The following SHOX variants were observed in gnomAD, a reference collection of about 807,000 sequenced individuals.
The protein encoded by SHOX is short stature homeobox protein.
In SHOX, 12 loss-of-function variants were observed where a neutral mutation model predicts 29.6. That is an observed-to-expected ratio of 0.41 (90% CI 0.26 to 0.66). SHOX has a LOEUF of 0.66. SHOX is among the 30% of genes least tolerant of loss of function. The probability of loss-of-function intolerance (pLI) is 0.35; values close to 1 mark genes in which losing one functional copy is unlikely to be tolerated. For missense variants in SHOX, 499 were observed against 437.7 expected, an observed-to-expected ratio of 1.14 and a Z score of -1.25; for synonymous variants, 214 against 200.6, an observed-to-expected ratio of 1.07 and a Z score of -0.57.
chrX:658,769 C>CA (rs2053184161), intron 5 of SHOX: 1 of 322,842 alleles, frequency 3.1e-6, no homozygotes, highest in African/African-American at 2.4e-5. Flanking sequence ...TGCACTTGGC[C>CA]TTTTTTTTTT....
In SHOX at chrX:630,998, C is replaced by A. The variant is rs751747648; in HGVS notation, c.101C>A (p.Thr34Lys). 1.9e-6 allele frequency: 3 copies of A among 1,613,768 alleles called. No homozygotes were observed. The African/African-American group carries it at 4.0e-5, about 22-fold the overall frequency. ...GGGGGKKDSI[T>K]YREVLESGLA... ...GGCGGAGGTAAGAAGGATTCCATTACGTACCGGGAAGTTTTGGAGAGCGGA... is the reference window on the plus strand; with the variant it reads ...GGCGGAGGTAAGAAGGATTCCATTAAGTACCGGGAAGTTTTGGAGAGCGGA... The change falls in exon 1 of 5, where the codon ACG (threonine) becomes AAG (lysine). Residue 34 changes from threonine (T) to lysine (K), a missense_variant. Transcript: ENST00000686671.
downstream of SHOX, among the ~76,000 whole-genome samples, chrX:654,203 G>A (rs931027187): frequency 3.9e-5 from 6 of 151,916 alleles, no homozygotes; most frequent in South Asian, 2.1e-4. Context: ...TTTTGGAGGC[G>A]AAACAGCCAG....
chrX:657,768 G>C (rs17148902), intron 5 of SHOX, among the ~76,000 whole-genome samples: 98,727 of 151,864 alleles, frequency 0.65, 33,422 homozygotes, highest in Non-Finnish European at 0.76. Context: ...TGCACACACA[G>C]AGTAGAGAAA....
chrX:632,237 CG>C (rs1397278763), intron 1 of SHOX, among the ~76,000 whole-genome samples: 1 of 151,944 alleles, frequency 6.6e-6, no homozygotes, highest in Non-Finnish European at 1.5e-5. Context: ...GTGCGCGGCC[CG>C]GGGGAGCTCC....
chrX:633,535 G>A (rs1352165262), intron 1 of SHOX, among the ~76,000 whole-genome samples: 1 of 151,752 alleles, frequency 6.6e-6, no homozygotes, highest in African/African-American at 2.4e-5. Context: ...ACAGAACAGG[G>A]TGCTAGTATT....
intron 4 of SHOX, among the ~76,000 whole-genome samples, chrX:642,135 G>T (rs1048000695): frequency 2.6e-5 from 4 of 152,212 alleles, no homozygotes; most frequent in Non-Finnish European, 5.9e-5. Context: ...GGGATGGGGG[G>T]AAGCGGGGAG....
chrX:633,145 C>T (rs2052679155), intron 1 of SHOX, among the ~76,000 whole-genome samples: 2 of 152,090 alleles, frequency 1.3e-5, no homozygotes, highest in Non-Finnish European at 2.9e-5. Context: ...TTCATCAGAT[C>T]CAAGTTAAAT....
intron 2 of SHOX, among the ~76,000 whole-genome samples, chrX:638,531 C>T (rs1345143024): frequency 1.3e-5 from 2 of 152,120 alleles, no homozygotes; most frequent in Admixed American, 1.3e-4. Context: ...GCCTTTTTGG[C>T]GGGGGTGTGA....
chrX:653,135 G>A (rs1380236708), downstream of SHOX, among the ~76,000 whole-genome samples: 1 of 152,150 alleles, frequency 6.6e-6, no homozygotes, highest in Non-Finnish European at 1.5e-5. Flanking sequence ...CAGCTACTCA[G>A]GAAGCTGAGG....
At position 631,176 on chromosome X, in the gene SHOX, T is replaced by C; in HGVS notation, c.277+2T>C. The stretch of plus-strand genomic sequence containing the variant: ...TCGGCACCGCGAGAGTGGCAGAAGG[T>C]AAGTTCCTTTGCGCTCCGGCTCCAG... On this transcript the variant is annotated splice_donor_variant, in intron 1 of 4. Transcript: ENST00000686671. LOFTEE classifies it high-confidence loss of function. The C allele has an allele frequency of 6.2e-7, 1 of 1,612,396 alleles. No individual in the cohort carries two copies. Among genetic ancestry groups the C allele is most frequent in the Non-Finnish European group, 8.5e-7 (1 of 1,179,644 alleles).
chrX:627,585 A>T (rs2052560980), upstream of SHOX, among the ~76,000 whole-genome samples: 1 of 152,222 alleles, frequency 6.6e-6, no homozygotes, highest in Non-Finnish European at 1.5e-5. Context: ...TTTCAAAGCC[A>T]CTTGTCTGCA....
chrX:631,692 T>C (rs2283680), intron 1 of SHOX, among the ~76,000 whole-genome samples: 10,837 of 152,166 alleles, frequency 0.071, 674 homozygotes, highest in South Asian at 0.24. Context: ...CCACCACGCC[T>C]GGCTAATTTT....
At chrX:631,804 T>C (rs2283681) in intron 1 of SHOX, 106,036 of 437,128 alleles carry the variant, frequency 0.24, 15,027 homozygotes, top group Non-Finnish European at 0.31. Flanking sequence ...AGTGCTGGGA[T>C]GACAGGCGTG....
upstream of SHOX, among the ~76,000 whole-genome samples, chrX:629,499 C>A (rs756466334): frequency 1.3e-4 from 20 of 151,938 alleles, no homozygotes; most frequent in African/African-American, 4.8e-4. Context: ...CTTTCTCTCT[C>A]TCTCTCCATC....
chrX:640,554 C>T (rs772264694), intron 2 of SHOX, among the ~76,000 whole-genome samples: 13 of 152,060 alleles, frequency 8.5e-5, no homozygotes, highest in Admixed American at 2.6e-4. Context: ...CCAGCCTGGG[C>T]GACAGAGCGA....
intron 2 of SHOX, among the ~76,000 whole-genome samples, chrX:635,736 G>A (rs953400804): frequency 2.6e-5 from 4 of 152,132 alleles, no homozygotes; most frequent in Non-Finnish European, 5.9e-5. Context: ...TATTTCAGGG[G>A]TGCTGCTGGG....
chrX:634,572 C>A, intron 1 of SHOX, 46 bp from the exon 2 acceptor site: 1 of 1,604,204 alleles, frequency 6.2e-7, no homozygotes, highest in Non-Finnish European at 8.5e-7. Context: ...CCACGTTGCG[C>A]AAAACCTCCC....
intron 1 of SHOX, chrX:631,939 C>T (rs1363708837): frequency 6.6e-6 from 3 of 456,106 alleles, no homozygotes; most frequent in Non-Finnish European, 1.3e-5. Flanking sequence ...TCCCAGCGCT[C>T]AGCGCCTGCC....
At chrX:634,942 G>C in intron 2 of SHOX, 116 bp downstream of exon 2, 2 of 1,138,934 alleles carry the variant, frequency 1.8e-6, no homozygotes, top group Non-Finnish European at 2.4e-6. Flanking sequence ...CCCGGAGCGC[G>C]GGGAGGTTGG....
Sources: gnomAD v4.1 joint callset for allele counts (sites outside exome capture counted in the v4.1 genomes callset) on GRCh38, gnomAD v4.1.1 for gene constraint, MANE v1.5 for transcripts, NCBI Gene and HGNC (gene_info 2026-07-23, HGNC 2026-07-21) for gene names.